ERBB4: variants seen among roughly 807,000 people sequenced by gnomAD.
The protein encoded by ERBB4 is receptor tyrosine-protein kinase erbB-4.
Under a neutral mutation model 158.0 loss-of-function variants are expected in ERBB4, and 42 were observed. That is an observed-to-expected ratio of 0.27 (90% confidence interval 0.21 to 0.34). The LOEUF (loss-of-function observed/expected upper bound fraction) is 0.34, where lower values mean the gene tolerates loss of function less well. Ranked by LOEUF, ERBB4 falls within the 10% of genes least tolerant of loss-of-function variation. The pLI is 1.00. For synonymous variants in ERBB4, 583 were observed against 558.7 expected (o/e 1.04, Z -0.61); for missense variants, 1,333 against 1,624.1 (o/e 0.82, Z 3.08).
intron 19 of ERBB4, among the ~76,000 whole-genome samples, chr2:211,604,731 C>T (rs1358743782): frequency 2.6e-5 from 4 of 152,086 alleles, no homozygotes; most frequent in African/African-American, 7.2e-5. Context: ...CTTGATCGAC[C>T]GACTGTTAAC....
intron 2 of ERBB4, among the ~76,000 whole-genome samples, chr2:212,095,954 A>AG (rs1175763600): frequency 3.3e-5 from 5 of 151,098 alleles, no homozygotes; most frequent in Admixed American, 6.6e-5. Flanking sequence ...AAGAAAAAAA[A>AG]AAAAAGAAAG....
At chr2:212,424,907 C>A (rs974387564) in intron 1 of ERBB4, among the ~76,000 whole-genome samples, 1 of 151,916 alleles carries the variant, frequency 6.6e-6, no homozygotes, top group African/African-American at 2.4e-5. Flanking sequence ...TAATTGTGGT[C>A]TTCTACTGGA....
intron 1 of ERBB4, among the ~76,000 whole-genome samples, chr2:212,309,638 C>T (rs1001039532): frequency 6.6e-6 from 1 of 150,568 alleles, no homozygotes; most frequent in Non-Finnish European, 1.5e-5. Context: ...GATGATGTAA[C>T]TAATTCAATA....
At chr2:212,344,462 ATGTGTGTGTATATATG>A (rs958077068) in intron 1 of ERBB4, among the ~76,000 whole-genome samples, 1 of 137,892 alleles carries the variant, frequency 7.3e-6, no homozygotes, top group African/African-American at 2.9e-5. Context: ...TACCATATAT[ATGTGTGTGTATATATG>A]TGTGTGTGTG....
chr2:212,043,851 G>A (rs1011902597), intron 2 of ERBB4, among the ~76,000 whole-genome samples: 2 of 151,884 alleles, frequency 1.3e-5, no homozygotes, highest in African/African-American at 4.8e-5. Context: ...GTTACCAGAA[G>A]GATAAAATGA....
chr2:211,534,013 G>T (rs1408326488), intron 20 of ERBB4, among the ~76,000 whole-genome samples: 1 of 151,968 alleles, frequency 6.6e-6, no homozygotes, highest in African/African-American at 2.4e-5. Flanking sequence ...TTGCTCCAAC[G>T]TAACTAATTA....
Position 211,767,569 on chromosome 2 carries a change from G to A in ERBB4, c.557-16865C>T, listed in dbSNP as rs184275843. 5.5e-4 allele frequency among the ~76,000 whole-genome samples: 84 copies of A among 152,224 alleles called. 1 individual carries two copies. The highest frequency in any genetic ancestry group is 2.3e-3 in the East Asian group (12 of 5,172). On this transcript the variant is annotated intron_variant, in intron 4 of 27. Transcript: ENST00000342788. ...AATTGACTGACAGTTCCATGTGGCC[G>A]GGGAAGCCTCAGGAAACTTACAGTC...
rs564284352 is a variant in ERBB4, at chr2:212,254,232, T to C, written c.83-129329A>G. ...AATAAATACATTTTATAACAATTCCTCAGTCCAAACGTATTTGCTCATTAT... is the reference window on the plus strand; with the variant it reads ...AATAAATACATTTTATAACAATTCCCCAGTCCAAACGTATTTGCTCATTAT... On this transcript the variant is annotated intron_variant, in intron 1 of 27. Coordinates refer to ENST00000342788, the MANE Select transcript of ERBB4 (RefSeq NM_005235.3). Among the ~76,000 whole-genome samples, 3 of 152,280 alleles carry C rather than the reference T, an allele frequency of 2.0e-5. No homozygotes were observed. The South Asian group carries it at 6.2e-4, about 32-fold the overall frequency.
intron 3 of ERBB4, among the ~76,000 whole-genome samples, chr2:211,886,464 A>G (rs939679263): frequency 6.6e-6 from 1 of 152,250 alleles, no homozygotes; most frequent in East Asian, 1.9e-4. Context: ...TTAAAAAAGT[A>G]CTTATATGTG....
At chr2:211,863,170 A>G (rs1447799745) in intron 3 of ERBB4, among the ~76,000 whole-genome samples, 9 of 146,390 alleles carry the variant, frequency 6.1e-5, no homozygotes, top group African/African-American at 2.2e-4. Context: ...GATTGTAAAC[A>G]CACCAATCAG....
chr2:211,925,005 T>A (rs1416348701), intron 3 of ERBB4, among the ~76,000 whole-genome samples: 1 of 152,170 alleles, frequency 6.6e-6, no homozygotes, highest in Non-Finnish European at 1.5e-5. Context: ...TAAAGAAGAT[T>A]GATAAGTAAT....
At chr2:212,350,616 T>C (rs16848412) in intron 1 of ERBB4, among the ~76,000 whole-genome samples, 8,785 of 152,156 alleles carry the variant, frequency 0.058, 852 homozygotes, top group African/African-American at 0.2. Flanking sequence ...TAGAAAATTG[T>C]AAAGCGATAT....
chr2:211,620,950 T>TA (rs1001577328), intron 18 of ERBB4, among the ~76,000 whole-genome samples: 23 of 148,520 alleles, frequency 1.5e-4, no homozygotes, highest in African/African-American at 3.9e-4. Context: ...TACTAAAAAA[T>TA]AAAAAAATTT....
intron 1 of ERBB4, among the ~76,000 whole-genome samples, chr2:212,135,122 T>G (rs2080232261): frequency 6.6e-6 from 1 of 152,160 alleles, no homozygotes; most frequent in Non-Finnish European, 1.5e-5. Flanking sequence ...ATCAATATAT[T>G]ATATATACTC....
chr2:211,518,870 C>T (rs765861700), intron 20 of ERBB4, among the ~76,000 whole-genome samples: 4 of 152,022 alleles, frequency 2.6e-5, no homozygotes, highest in Non-Finnish European at 5.9e-5. Context: ...TGTTTAGCAT[C>T]GGTTCACTAA....
intron 19 of ERBB4, among the ~76,000 whole-genome samples, chr2:211,580,021 G>A (rs1044234008): frequency 2.0e-5 from 3 of 152,084 alleles, no homozygotes; most frequent in Admixed American, 2.0e-4. Context: ...ATCAAACTGG[G>A]GGACTAAACC....
intron 25 of ERBB4, among the ~76,000 whole-genome samples, chr2:211,406,240 A>AAG (rs1467891859): frequency 6.6e-6 from 1 of 152,198 alleles, no homozygotes; most frequent in Non-Finnish European, 1.5e-5. Flanking sequence ...TTTCTTCCAC[A>AAG]AATAAGAGGG....
At chr2:212,166,220 G>T (rs1454961176) in intron 1 of ERBB4, among the ~76,000 whole-genome samples, 1 of 151,868 alleles carries the variant, frequency 6.6e-6, no homozygotes, top group Non-Finnish European at 1.5e-5. Context: ...ATCCATCTTT[G>T]ATATTACACT....
chr2:212,498,105 T>C (rs1184270279), intron 1 of ERBB4, among the ~76,000 whole-genome samples: 1 of 150,982 alleles, frequency 6.6e-6, no homozygotes, highest in Admixed American at 6.6e-5. Flanking sequence ...ATTGTGTGTG[T>C]GTGCATATCT....
Sources: gnomAD v4.1 joint callset for allele counts (sites outside exome capture counted in the v4.1 genomes callset) on GRCh38, gnomAD v4.1.1 for gene constraint, MANE v1.5 for transcripts, NCBI Gene and HGNC (gene_info 2026-07-23, HGNC 2026-07-21) for gene names.